Variants in FRG1 observed in about 807,000 individuals in gnomAD.
The protein encoded by FRG1 is protein FRG1.
A neutral mutation model predicts 37.0 loss-of-function variants in FRG1; 19 were observed. The observed-to-expected ratio is 0.51, with a 90% CI of 0.36 to 0.75. The LOEUF (loss-of-function observed/expected upper bound fraction) is 0.75, where lower values mean the gene tolerates loss of function less well. Ranked by LOEUF, FRG1 falls within the 30% of genes least tolerant of loss-of-function variation. The pLI is 0.00. For synonymous variants in FRG1, 73 were observed against 96.5 expected (o/e 0.76, Z 1.43); for missense variants, 243 against 301.4 (o/e 0.81, Z 1.44).
intron 2 of FRG1, among the ~76,000 whole-genome samples, chr4:189,948,162 T>C (rs536054958): frequency 2.6e-5 from 4 of 152,368 alleles, no homozygotes; most frequent in African/African-American, 7.2e-5. Flanking sequence ...TAAGTAAGCA[T>C]GTGCCTATTT....
intron 4 of FRG1, among the ~76,000 whole-genome samples, chr4:189,954,595 CTT>C (rs1160474689): frequency 2.6e-4 from 19 of 74,426 alleles, no homozygotes; most frequent in Non-Finnish European, 3.2e-4. Flanking sequence ...TAGCTTTTTT[CTT>C]TTTTTTTTTT....
chr4:189,956,645 C>T (rs1414860006), intron 5 of FRG1, among the ~76,000 whole-genome samples: 6 of 152,132 alleles, frequency 3.9e-5, no homozygotes, highest in Non-Finnish European at 8.8e-5. Context: ...ATGTTATCAG[C>T]ACTTTTTTAA....
chr4:189,959,868 C>T, intron 6 of FRG1: 1 of 984,490 alleles, frequency 1.0e-6, no homozygotes. Flanking sequence ...TCTGTCAGCC[C>T]TTCACCTTTA....
At chr4:189,957,533 A>G in intron 6 of FRG1, 31 bp downstream of exon 6, 1 of 1,606,394 alleles carries the variant, frequency 6.2e-7, no homozygotes, top group Non-Finnish European at 8.5e-7. Context: ...AGATGACTGC[A>G]TTCACACATG....
At chr4:189,951,579 G>A (rs967250366) in intron 2 of FRG1, among the ~76,000 whole-genome samples, 1 of 152,090 alleles carries the variant, frequency 6.6e-6, no homozygotes, top group African/African-American at 2.4e-5. Flanking sequence ...GCTCTGGAAA[G>A]CAGGCATGAA....
chr4:189,951,948 T>C (rs1736771107), intron 2 of FRG1, among the ~76,000 whole-genome samples: 2 of 152,198 alleles, frequency 1.3e-5, no homozygotes, highest in African/African-American at 4.8e-5. Flanking sequence ...ATAAGCTTCA[T>C]GGATTATATC....
Position 189,940,932 on chromosome 4 carries a change from C to A in FRG1, c.-78C>A. 1 of 1,146,998 alleles carries A rather than the reference C, an allele frequency of 8.7e-7. No homozygotes were observed. The highest frequency in any genetic ancestry group is 1.3e-6 in the Non-Finnish European group (1 of 776,444). The allele number at this position is 1,146,998 out of a possible 1,614,324, so 71.1% of individuals were successfully genotyped here. Reference sequence around the variant, plus strand: ...TATTTCGCGTCCGCTTCTGTTTCTCCGCGCCCCTGTGCTGCCCCGACTCAC... The same window carrying A: ...TATTTCGCGTCCGCTTCTGTTTCTCAGCGCCCCTGTGCTGCCCCGACTCAC... On this transcript the variant is annotated 5_prime_UTR_variant, in exon 1 of 9. Transcript: ENST00000226798.
At chr4:189,944,679 A>G (rs1359585454) in intron 2 of FRG1, among the ~76,000 whole-genome samples, 1 of 151,836 alleles carries the variant, frequency 6.6e-6, no homozygotes, top group Non-Finnish European at 1.5e-5. Flanking sequence ...TTTTCCATTA[A>G]TCCACTTTGG....
chr4:189,957,612 C>G (rs2126819397), intron 6 of FRG1, 110 bp downstream of exon 6: 3 of 944,430 alleles, frequency 3.2e-6, no homozygotes, highest in Admixed American at 2.1e-5. Flanking sequence ...TACTTAATAG[C>G]TTTTTATAAT....
intron 6 of FRG1, among the ~76,000 whole-genome samples, chr4:189,958,354 A>G (rs1737079271): frequency 6.6e-6 from 1 of 152,294 alleles, no homozygotes; most frequent in Non-Finnish European, 1.5e-5. Context: ...ATGCGTTTGT[A>G]TTTACGTAAT....
chr4:189,941,000 TC>T lies in FRG1; in HGVS notation c.-7del, dbSNP rs772703848. On this transcript the variant is annotated 5_prime_UTR_variant, in exon 1 of 9. Transcript: ENST00000226798. The stretch of plus-strand genomic sequence containing the variant: ...GCCTCAGCCTCTCCGCGCAGAAGTT[TC>T]CCGGAGCCATGGCCGAGTACTCCTA... The T allele has an allele frequency of 2.5e-6, 4 of 1,611,726 alleles. No individual in the cohort carries two copies. In the South Asian group the frequency reaches 4.4e-5, roughly 18 times the overall value.
rs982183664 is a variant in FRG1, at chr4:189,952,086, T to C, written c.134-76T>C. The C allele has an allele frequency of 1.4e-5, 15 of 1,046,750 alleles. No homozygotes were observed. The South Asian group carries it at 2.0e-4, about 14-fold the overall frequency. The allele number at this position is 1,046,750 out of a possible 1,614,324, so 64.8% of individuals were successfully genotyped here. A position where few individuals can be genotyped will look rare whatever the true frequency, so the allele number is the denominator to read the frequency against. Reference sequence around the variant, plus strand: ...CTGCAAAATAAGAAGTTTTTAAAATTAAGTTATAATAACAAAAAAAAGAAC... The same window carrying C: ...CTGCAAAATAAGAAGTTTTTAAAATCAAGTTATAATAACAAAAAAAAGAAC... On this transcript the variant is annotated intron_variant, in intron 2 of 8. Coordinates refer to ENST00000226798, the MANE Select transcript of FRG1 (RefSeq NM_004477.3).
intron 2 of FRG1, among the ~76,000 whole-genome samples, chr4:189,948,202 T>C (rs1446194842): frequency 2.0e-5 from 3 of 152,188 alleles, no homozygotes; most frequent in Non-Finnish European, 4.4e-5. Context: ...ACCTTTTAAT[T>C]TTTTAAAGCT....
Position 189,953,570 on chromosome 4 carries a change from T to C in FRG1, c.317+445T>C, listed in dbSNP as rs1736852797. On this transcript the variant is annotated intron_variant, in intron 4 of 8. Coordinates refer to ENST00000226798, the MANE Select transcript of FRG1 (RefSeq NM_004477.3). ...ACAGTCATTTTATAAAGTAACCTTT[T>C]TTATTCTCACCTTGTGCAAAAGTAT... 1.3e-5 allele frequency among the ~76,000 whole-genome samples: 2 copies of C among 152,272 alleles called. 1 individual carries two copies. The highest frequency in any genetic ancestry group is 4.1e-4 in the South Asian group (2 of 4,830).
At chr4:189,941,510 G>A (rs1736300301) in intron 1 of FRG1, among the ~76,000 whole-genome samples, 1 of 152,170 alleles carries the variant, frequency 6.6e-6, no homozygotes, top group Non-Finnish European at 1.5e-5. Context: ...TCACACAGTG[G>A]TTGAGGTGTA....
chr4:189,953,120 T>C lies in FRG1; in HGVS notation c.312T>C (p.Asp104=), dbSNP rs1005570978. Residue 104 remains aspartate (D), a synonymous_variant, in exon 4 of 9, where the codon GAT becomes GAC. Transcript: ENST00000226798. ...PEQFTAVKLS[D]SRIALKSGYG... is the part of the protein sequence containing the mutation. The stretch of plus-strand genomic sequence containing the variant: ...AGTTTACGGCTGTCAAATTATCTGA[T>C]TCCAGGTGAGCTTATGTTGTAATAT... The C allele has an allele frequency of 1.3e-6, 2 of 1,586,768 alleles. No individual in the cohort carries two copies. Among genetic ancestry groups the C allele is most frequent in the Non-Finnish European group, 1.7e-6 (2 of 1,168,352 alleles).
At chr4:189,942,138 C>T (rs1736337286) in intron 1 of FRG1, 1 of 164,304 alleles carries the variant, frequency 6.1e-6, no homozygotes, top group Non-Finnish European at 1.3e-5. Flanking sequence ...ATAATTAATG[C>T]TCATATAGCA....
intron 6 of FRG1, among the ~76,000 whole-genome samples, chr4:189,959,329 C>T (rs1208024213): frequency 2.0e-5 from 3 of 152,140 alleles, no homozygotes; most frequent in African/African-American, 4.8e-5. Flanking sequence ...CCATAATGCC[C>T]CTGTGAGGTG....
intron 2 of FRG1, among the ~76,000 whole-genome samples, chr4:189,949,675 T>C (rs1736672647): frequency 6.6e-6 from 1 of 152,032 alleles, no homozygotes; most frequent in Admixed American, 6.5e-5. Flanking sequence ...AACTATTATA[T>C]TTATAAGAAA....
Sources: allele counts gnomAD v4.1 joint callset (sites outside exome capture counted in the v4.1 genomes callset), GRCh38; gene constraint gnomAD v4.1.1; transcripts MANE v1.5; gene names NCBI Gene and HGNC (gene_info 2026-07-23, HGNC 2026-07-21).